Variants in FBLN1 observed in about 807,000 individuals in gnomAD.
The protein encoded by FBLN1 is fibulin 1.
Under a neutral mutation model 89.7 loss-of-function variants are expected in FBLN1, and 34 were observed. The ratio of observed to expected loss-of-function variants is 0.38; its 90% confidence interval spans 0.29 to 0.50. The LOEUF is 0.50. Ranked by LOEUF, FBLN1 falls within the 20% of genes least tolerant of loss-of-function variation. FBLN1 has a pLI of 0.92. For synonymous variants in FBLN1, 393 were observed against 391.3 expected (o/e 1.00, Z -0.05); for missense variants, 777 against 988.1 (o/e 0.79, Z 2.86).
In FBLN1 at chr22:45,550,356, CA is replaced by C; in HGVS notation, c.1574-135del. The stretch of plus-strand genomic sequence containing the variant: ...TGGCACAGGACGCTGCTCTGAAGAT[CA>C]GCCAGTGGAGGGCAGGGATGGCCTG... On this transcript the variant is annotated intron_variant, in intron 13 of 16. Transcript: ENST00000327858. The surrounding 1 kb of genome is among the most constrained non-coding windows in gnomAD (Gnocchi z 8.4). The C allele has an allele frequency of 8.7e-7, 1 of 1,154,082 alleles. No homozygotes were observed. Among genetic ancestry groups the C allele is most frequent in the Non-Finnish European group, 1.3e-6 (1 of 777,364 alleles). 71.5% of individuals were successfully genotyped at this position (1,154,082 alleles called of 1,614,324 possible). A position where few individuals can be genotyped will look rare whatever the true frequency, so the allele number is the denominator to read the frequency against.
Position 45,563,250 on chromosome 22 carries a change from T to C in FBLN1, c.1698-11261T>C, listed in dbSNP as rs2088871216. 2 of 1,613,620 alleles carry C rather than the reference T, an allele frequency of 1.2e-6. No homozygotes were observed. The highest frequency in any genetic ancestry group is 2.2e-5 in the South Asian group (2 of 91,096). Reference sequence around the variant, plus strand: ...TTTGTGGCCAAGCTTTTCATCTTTGTGTCTGCAGAGCTCTGAGCACTCGCT... The same window carrying C: ...TTTGTGGCCAAGCTTTTCATCTTTGCGTCTGCAGAGCTCTGAGCACTCGCT... On this transcript the variant is annotated intron_variant, in intron 14 of 16. Transcript: ENST00000327858. The surrounding 1 kb of genome is among the most constrained non-coding windows in gnomAD (Gnocchi z 5.7).
chr22:45,571,566 G>C (rs1316451978), intron 14 of FBLN1, among the ~76,000 whole-genome samples: 1 of 152,184 alleles, frequency 6.6e-6, no homozygotes, highest in Non-Finnish European at 1.5e-5. Flanking sequence ...TTATCCTGAG[G>C]CTACTGTGTA....
rs753532135 is a variant in FBLN1, at chr22:45,541,343, A to G, written c.1037A>G (p.His346Arg). 2.5e-6 allele frequency: 4 copies of G among 1,614,262 alleles called. No homozygotes were observed. Among genetic ancestry groups the G allele is most frequent in the Admixed American group, 1.7e-5 (1 of 60,032 alleles). ...KNVPNCGRGY[H>R]LNEEGTRCVD... is the part of the protein sequence containing the mutation. ...GTGCCCAACTGTGGCCGTGGCTACC[A>G]TCTCAACGAGGAGGGAACGCGCTGT... The change falls in exon 9 of 17, where the codon CAT becomes CGT. Residue 346 changes from histidine to arginine, a missense_variant. His to Arg is a conservative substitution (Grantham distance 29). Transcript: ENST00000327858.
chr22:45,512,195 G>A (rs375834326), intron 1 of FBLN1, among the ~76,000 whole-genome samples: 7 of 151,966 alleles, frequency 4.6e-5, no homozygotes, highest in Non-Finnish European at 5.9e-5. Context: ...AGAAGCAGGC[G>A]TGGCTTCGGT....
At chr22:45,506,407 C>A (rs1004815953) in intron 1 of FBLN1, among the ~76,000 whole-genome samples, 1 of 152,214 alleles carries the variant, frequency 6.6e-6, no homozygotes, top group African/African-American at 2.4e-5. Context: ...AGGGACAGCT[C>A]AGTGCCAGAC....
intron 8 of FBLN1, among the ~76,000 whole-genome samples, chr22:45,535,958 G>A (rs2088478040): frequency 6.6e-6 from 1 of 152,246 alleles, no homozygotes; most frequent in Non-Finnish European, 1.5e-5. Context: ...CAAGGCAGGA[G>A]GATTGCTTGA....
rs2088994548 is a variant in FBLN1 at position 45,576,049 on chromosome 22, G to A, written c.1841-928G>A. Reference sequence around the variant, plus strand: ...TGACACAACCATGCGGGGGGGTGGGGGGAGGAGAGGCTCCCTCAGCACGTG... The same window carrying A: ...TGACACAACCATGCGGGGGGGTGGGAGGAGGAGAGGCTCCCTCAGCACGTG... On this transcript the variant is annotated intron_variant, in intron 15 of 16. Coordinates refer to ENST00000327858, the MANE Select transcript of FBLN1 (RefSeq NM_006486.3). This position sits in a 1 kb window ranked among gnomAD's most constrained non-coding sequence, Gnocchi z 5.2. 6.6e-6 allele frequency among the ~76,000 whole-genome samples: 1 copy of A among 152,312 alleles called. No homozygotes were observed. Among genetic ancestry groups the A allele is most frequent in the African/African-American group, 2.4e-5 (1 of 41,554 alleles).
At chr22:45,586,782 C>T (rs1003581957) in intron 16 of FBLN1, among the ~76,000 whole-genome samples, 12 of 151,970 alleles carry the variant, frequency 7.9e-5, no homozygotes, top group Non-Finnish European at 7.4e-5. Flanking sequence ...AATGGGGCCA[C>T]GTAGGAAAGG....
rs113598843 is a variant in FBLN1 at position 45,537,168 on chromosome 22, C to T, written c.922+1831C>T. Among the ~76,000 whole-genome samples the T allele has an allele frequency of 2.8e-3, 429 of 152,358 alleles. 3 individuals are homozygous for T. Among genetic ancestry groups the T allele is most frequent in the African/African-American group, 9.8e-3 (407 of 41,588 alleles). On this transcript the variant is annotated intron_variant, in intron 8 of 16. Transcript: ENST00000327858. The surrounding 1 kb of genome is among the most constrained non-coding windows in gnomAD (Gnocchi z 5.7). ...TCCCCACCTGGGGTGGCCCCATCAC[C>T]TCTCCCCTGCCATGAGCAAGGGGGT...
rs1602157570 is a variant in FBLN1 at position 45,508,439 on chromosome 22, T to A, written c.79+5375T>A. ...ACCACGCCTGGCTAATTTTTTGTAT[T>A]CTTAGTAGAGACGGGGTTTCACTAT... On this transcript the variant is annotated intron_variant, in intron 1 of 16. Coordinates refer to ENST00000327858, the MANE Select transcript of FBLN1 (RefSeq NM_006486.3). Among the ~76,000 whole-genome samples the A allele has an allele frequency of 2.0e-5, 3 of 152,170 alleles. No individual in the cohort carries two copies. The South Asian group carries it at 6.2e-4, about 32-fold the overall frequency.
Position 45,504,491 on chromosome 22 carries a change from G to A in FBLN1, c.79+1427G>A, listed in dbSNP as rs561418248. Reference sequence around the variant, plus strand: ...GGCATTCCAGCAAGCAGCAGGCCGGGTGGCTGCCAGCTGGAGGGAAAACCC... The same window carrying A: ...GGCATTCCAGCAAGCAGCAGGCCGGATGGCTGCCAGCTGGAGGGAAAACCC... On this transcript the variant is annotated intron_variant, in intron 1 of 16. Coordinates refer to ENST00000327858, the MANE Select transcript of FBLN1 (RefSeq NM_006486.3). 4.3e-3 allele frequency among the ~76,000 whole-genome samples: 655 copies of A among 152,248 alleles called. 1 individual carries two copies. The highest frequency in any genetic ancestry group is 0.015 in the African/African-American group (631 of 41,524).
intron 8 of FBLN1, among the ~76,000 whole-genome samples, chr22:45,538,200 C>T (rs920791804): frequency 6.6e-6 from 1 of 152,254 alleles, no homozygotes; most frequent in African/African-American, 2.4e-5. Flanking sequence ...GTTCAGCTCC[C>T]TCAGGGTCCC....
intron 14 of FBLN1, among the ~76,000 whole-genome samples, chr22:45,567,922 C>T (rs915543295): frequency 6.6e-6 from 1 of 152,122 alleles, no homozygotes; most frequent in Admixed American, 6.5e-5. Flanking sequence ...TTCCTCACTC[C>T]AGGGGCCAGA....
rs868030418 is a variant in FBLN1 at position 45,572,767 on chromosome 22, G to A, written c.1698-1744G>A. On this transcript the variant is annotated intron_variant, in intron 14 of 16. Coordinates refer to ENST00000327858, the MANE Select transcript of FBLN1 (RefSeq NM_006486.3). The surrounding 1 kb of genome is among the most constrained non-coding windows in gnomAD (Gnocchi z 5.8). ...CACCTACCATCTTGCCAAAGGGACC[G>A]GGCCTGCATGGGATCAGGCCTCTGG... Among the ~76,000 whole-genome samples the A allele has an allele frequency of 3.3e-5, 5 of 152,322 alleles. No individual in the cohort carries two copies. The highest frequency in any genetic ancestry group is 1.9e-4 in the East Asian group (1 of 5,184).
chr22:45,570,093 G>A (rs1168878515), intron 14 of FBLN1, among the ~76,000 whole-genome samples: 2 of 152,022 alleles, frequency 1.3e-5, no homozygotes, highest in South Asian at 2.1e-4. Flanking sequence ...GCTGAGGCAG[G>A]TGGATCACCT....
At position 45,549,592 on chromosome 22, in the gene FBLN1, A is replaced by T. The variant is rs776310357; in HGVS notation, c.1573+848A>T. Reference sequence around the variant, plus strand: ...GGAGCAAATGACTTTTCTCCTGGCCAGGCTCCCTCACCACAGCCTGGGGTC... The same window carrying T: ...GGAGCAAATGACTTTTCTCCTGGCCTGGCTCCCTCACCACAGCCTGGGGTC... On this transcript the variant is annotated intron_variant, in intron 13 of 16. Coordinates refer to ENST00000327858, the MANE Select transcript of FBLN1 (RefSeq NM_006486.3). This position sits in a 1 kb window ranked among gnomAD's most constrained non-coding sequence, Gnocchi z 5.7. Among the ~76,000 whole-genome samples, 4 of 152,218 alleles carry T rather than the reference A, an allele frequency of 2.6e-5. No individual in the cohort carries two copies. The highest frequency in any genetic ancestry group is 5.9e-5 in the Non-Finnish European group (4 of 68,030).
At chr22:45,564,814 G>A in intron 14 of FBLN1, 1 of 1,591,852 alleles carries the variant, frequency 6.3e-7, no homozygotes, top group Non-Finnish European at 8.6e-7. Context: ...GGGAACAGAT[G>A]ACTCTGCCAG....
chr22:45,565,035 C>T (rs200324182), intron 14 of FBLN1: 26 of 1,610,676 alleles, frequency 1.6e-5, no homozygotes, highest in South Asian at 6.6e-5. Context: ...CCACACCTTG[C>T]GCTGAGCAGC....
In FBLN1 at chr22:45,563,476, G is replaced by A. The variant is rs897173318; in HGVS notation, c.1698-11035G>A. 22 of 1,039,948 alleles carry A rather than the reference G, an allele frequency of 2.1e-5. No individual in the cohort carries two copies. Among genetic ancestry groups the A allele is most frequent in the South Asian group, 1.3e-4 (8 of 60,952 alleles). The allele number at this position is 1,039,948 out of a possible 1,614,324, so 64.4% of individuals were successfully genotyped here. On this transcript the variant is annotated intron_variant, in intron 14 of 16. Transcript: ENST00000327858. The surrounding 1 kb of genome is among the most constrained non-coding windows in gnomAD (Gnocchi z 5.7). The stretch of plus-strand genomic sequence containing the variant: ...TACCCCCGAGGGCTGACTGAGGAGC[G>A]CTCCCCACTAGAGGGTGTGTGCTCG...
Sources: allele counts gnomAD v4.1 joint callset (sites outside exome capture counted in the v4.1 genomes callset), GRCh38; gene constraint gnomAD v4.1.1; non-coding constraint Gnocchi (gnomAD v3.1); transcripts MANE v1.5; gene names NCBI Gene and HGNC (gene_info 2026-07-23, HGNC 2026-07-21).